The following P2RY2 variants were observed in gnomAD, a reference collection of about 807,000 sequenced individuals.
P2RY2 encodes the protein purinergic receptor P2Y2, also known as P2Y purinoceptor 2.
For synonymous variants in P2RY2, 241 were observed against 231.9 expected (o/e 1.04, Z -0.35); for missense variants, 567 against 515.7 (o/e 1.10, Z -0.96).
intron 2 of P2RY2, 21 bp from the exon 3 acceptor site, chr11:73,234,135 C>T (rs771411392): frequency 5.1e-6 from 8 of 1,581,028 alleles, no homozygotes; most frequent in East Asian, 2.2e-5. Context: ...CCTGATGGCC[C>T]CACCCCTCCC....
rs919110942 is a variant in P2RY2, at chr11:73,234,315, C to A, written c.156C>A (p.Ala52=). The change falls in exon 3 of 3, where the codon GCC becomes GCA. Residue 52 remains alanine, a synonymous_variant. Coordinates refer to ENST00000393597, the MANE Select transcript of P2RY2 (RefSeq NM_002564.4). ...GCGTGCCTGGGCTGTGTCTGAACGC[C>A]GTGGCGCTCTACATCTTCTTGTGCC... The part of the protein sequence containing the change: ...VVCVPGLCLN[A]VALYIFLCRL... 1 of 1,613,820 alleles carries A rather than the reference C, an allele frequency of 6.2e-7. No individual in the cohort carries two copies. The highest frequency in any genetic ancestry group is 1.3e-5 in the African/African-American group (1 of 75,036).
At chr11:73,228,450 G>A (rs1862351093) in intron 2 of P2RY2, among the ~76,000 whole-genome samples, 2 of 152,228 alleles carry the variant, frequency 1.3e-5, no homozygotes, top group South Asian at 4.1e-4. Flanking sequence ...GGAGGTGGGG[G>A]ATGAAGATGC....
Position 73,236,781 on chromosome 11 carries a change from G to A in P2RY2, c.*1488G>A, listed in dbSNP as rs780274134. ...CCCAGAATGGCAGGGTGGTGCTCAG[G>A]CTGGGTCAGGACTTAGTATGGGGGA... On this transcript the variant is annotated 3_prime_UTR_variant, in exon 3 of 3. Transcript: ENST00000393597. 11 of 985,418 alleles carry A rather than the reference G, an allele frequency of 1.1e-5. No individual in the cohort carries two copies. The highest frequency in any genetic ancestry group is 1.3e-5 in the Non-Finnish European group (11 of 829,928). 61.0% of individuals were successfully genotyped at this position (985,418 alleles called of 1,614,324 possible). A position where few individuals can be genotyped will look rare whatever the true frequency, so the allele number is the denominator to read the frequency against.
intron 1 of P2RY2, among the ~76,000 whole-genome samples, chr11:73,224,010 AG>A (rs921833855): frequency 6.6e-6 from 1 of 152,150 alleles, no homozygotes; most frequent in East Asian, 1.9e-4. Flanking sequence ...CCAGGATCCT[AG>A]GGGGGTCCCA....
Position 73,228,008 on chromosome 11 carries a change from G to C in P2RY2, c.-172G>C, listed in dbSNP as rs1332579023. 1 of 152,226 alleles carries C rather than the reference G, an allele frequency of 6.6e-6. No individual in the cohort carries two copies. The highest frequency in any genetic ancestry group is 1.5e-5 in the Non-Finnish European group (1 of 68,080). The allele number at this position is 152,226 out of a possible 1,614,324, so 9.4% of individuals were successfully genotyped here. A position where few individuals can be genotyped will look rare whatever the true frequency, so the allele number is the denominator to read the frequency against. ...GCCCCTTGTGGCAGCAGCACTACCT[G>C]CCCAGAAAAATGCTGGAGGCTGGGC... On this transcript the variant is annotated 5_prime_UTR_variant, in exon 2 of 3. Coordinates refer to ENST00000393597, the MANE Select transcript of P2RY2 (RefSeq NM_002564.4).
chr11:73,232,111 T>A (rs1037773673), intron 2 of P2RY2, among the ~76,000 whole-genome samples: 2 of 152,062 alleles, frequency 1.3e-5, no homozygotes, highest in Admixed American at 1.3e-4. Context: ...GGCCCCAGAT[T>A]CTCAGGATGA....
chr11:73,224,506 G>A (rs1204469841), intron 1 of P2RY2, among the ~76,000 whole-genome samples: 3 of 152,146 alleles, frequency 2.0e-5, no homozygotes, highest in Non-Finnish European at 2.9e-5. Flanking sequence ...TGTTATCATC[G>A]CCTGTTTCTG....
In P2RY2 at chr11:73,236,862, G is replaced by A. The variant is rs1172036043; in HGVS notation, c.*1569G>A. On this transcript the variant is annotated 3_prime_UTR_variant, in exon 3 of 3. Coordinates refer to ENST00000393597, the MANE Select transcript of P2RY2 (RefSeq NM_002564.4). ...CTAGCCAGGACCACTCTGGGCTGAC[G>A]TGTGGCGCTCAGCTGGACAGGGCCC... 7 of 985,194 alleles carry A rather than the reference G, an allele frequency of 7.1e-6. No homozygotes were observed. In the South Asian group the frequency reaches 2.3e-4, roughly 33 times the overall value. The allele number at this position is 985,194 out of a possible 1,614,324, so 61.0% of individuals were successfully genotyped here.
At chr11:73,224,055 G>GC (rs1234446017) in intron 1 of P2RY2, among the ~76,000 whole-genome samples, 2 of 152,168 alleles carry the variant, frequency 1.3e-5, no homozygotes, top group Non-Finnish European at 2.9e-5. Flanking sequence ...GGGGTAGAGA[G>GC]CCCAAGGGCC....
intron 2 of P2RY2, chr11:73,233,923 C>T (rs1198995057): frequency 1.8e-6 from 1 of 550,236 alleles, no homozygotes; most frequent in African/African-American, 1.9e-5. Flanking sequence ...CAAAAGCAGA[C>T]TGGATCTGGC....
chr11:73,230,601 C>T (rs1330405801), intron 2 of P2RY2, among the ~76,000 whole-genome samples: 1 of 152,122 alleles, frequency 6.6e-6, no homozygotes, highest in Non-Finnish European at 1.5e-5. Flanking sequence ...GCTCCAGCGC[C>T]CAGGTTCTTA....
chr11:73,223,819 T>C (rs1297929097), intron 1 of P2RY2, among the ~76,000 whole-genome samples: 1 of 152,120 alleles, frequency 6.6e-6, no homozygotes, highest in African/African-American at 2.4e-5. Flanking sequence ...TGGTTTGGGG[T>C]CCTGCTCTAT....
chr11:73,225,560 C>T (rs1862253544), intron 1 of P2RY2, among the ~76,000 whole-genome samples: 1 of 144,870 alleles, frequency 6.9e-6, no homozygotes, highest in South Asian at 2.1e-4. Flanking sequence ...AAGGGATGGT[C>T]AGGCAGCTTC....
At chr11:73,225,886 G>GC (rs1466266577) in intron 1 of P2RY2, among the ~76,000 whole-genome samples, 2 of 152,206 alleles carry the variant, frequency 1.3e-5, no homozygotes, top group African/African-American at 2.4e-5. Context: ...TACCAGATCA[G>GC]CCAGGGCCTG....
Position 73,236,771 on chromosome 11 carries a change from T to G in P2RY2, c.*1478T>G, listed in dbSNP as rs1036270331. ...CTGGGAAAATCCCAGAATGGCAGGG[T>G]GGTGCTCAGGCTGGGTCAGGACTTA... On this transcript the variant is annotated 3_prime_UTR_variant, in exon 3 of 3. Coordinates refer to ENST00000393597, the MANE Select transcript of P2RY2 (RefSeq NM_002564.4). 1.0e-6 allele frequency: 1 copy of G among 985,232 alleles called. No homozygotes were observed. Among genetic ancestry groups the G allele is most frequent in the Admixed American group, 6.1e-5 (1 of 16,262 alleles). The allele number at this position is 985,232 out of a possible 1,614,324, so 61.0% of individuals were successfully genotyped here.
In P2RY2 at chr11:73,236,311, C is replaced by A; in HGVS notation, c.*1018C>A. ...TTCCATGGTGCAAAAACTCTTATGG[C>A]CAAATTCAAACTATAAACATGATGT... On this transcript the variant is annotated 3_prime_UTR_variant, in exon 3 of 3. Transcript: ENST00000393597. The A allele has an allele frequency of 2.2e-6, 1 of 455,990 alleles. No individual in the cohort carries two copies. Among genetic ancestry groups the A allele is most frequent in the Non-Finnish European group, 3.0e-6 (1 of 332,352 alleles). 28.2% of individuals were successfully genotyped at this position (455,990 alleles called of 1,614,324 possible). A position where few individuals can be genotyped will look rare whatever the true frequency, so the allele number is the denominator to read the frequency against.
intron 2 of P2RY2, among the ~76,000 whole-genome samples, chr11:73,233,316 C>T (rs1862513945): frequency 6.6e-6 from 1 of 152,210 alleles, no homozygotes; most frequent in South Asian, 2.1e-4. Flanking sequence ...AGAAGGAGAC[C>T]CTTGGAAATA....
intron 2 of P2RY2, among the ~76,000 whole-genome samples, chr11:73,228,924 T>A (rs556881893): frequency 1.3e-5 from 2 of 152,174 alleles, no homozygotes; most frequent in South Asian, 4.2e-4. Flanking sequence ...TTTATGGGAG[T>A]GTGCAGAGGC....
chr11:73,226,938 A>G (rs976947526), intron 1 of P2RY2, among the ~76,000 whole-genome samples: 1 of 151,610 alleles, frequency 6.6e-6, no homozygotes, highest in Non-Finnish European at 1.5e-5. Context: ...TTTTTTTTCT[A>G]TATATATATA....
Sources: allele counts gnomAD v4.1 joint callset (sites outside exome capture counted in the v4.1 genomes callset), GRCh38; gene constraint gnomAD v4.1.1; transcripts MANE v1.5; gene names NCBI Gene and HGNC (gene_info 2026-07-23, HGNC 2026-07-21).